SLC35F1: variants seen among roughly 807,000 people sequenced by gnomAD.
The protein encoded by SLC35F1 is chromosome 6 open reading frame 169.
In SLC35F1, 14 loss-of-function variants were observed where a neutral mutation model predicts 48.7. The observed-to-expected ratio is 0.29, with a 90% CI of 0.19 to 0.45. The LOEUF is 0.45. SLC35F1 is among the 20% of genes least tolerant of loss of function. The pLI, the probability that SLC35F1 is intolerant of heterozygous loss-of-function variation, is 1.00. For missense variants in SLC35F1, 404 were observed against 500.0 expected, an observed-to-expected ratio of 0.81 and a Z score of 1.83; for synonymous variants, 190 against 202.2, an observed-to-expected ratio of 0.94 and a Z score of 0.51.
At chr6:118,000,071 A>C (rs111232961) in intron 1 of SLC35F1, among the ~76,000 whole-genome samples, 4 of 152,108 alleles carry the variant, frequency 2.6e-5, no homozygotes, top group Admixed American at 6.6e-5. Flanking sequence ...TCAATAGAAA[A>C]AGAGGGAATC....
intron 1 of SLC35F1, among the ~76,000 whole-genome samples, chr6:117,968,722 A>G (rs903937471): frequency 6.6e-6 from 1 of 152,198 alleles, no homozygotes; most frequent in African/African-American, 2.4e-5. Context: ...CATCAGAAAC[A>G]TCTATGGTAT....
At chr6:117,933,853 G>A (rs750000791) in intron 1 of SLC35F1, among the ~76,000 whole-genome samples, 70 of 152,098 alleles carry the variant, frequency 4.6e-4, no homozygotes, top group South Asian at 2.1e-4. Context: ...AGGACCCTGC[G>A]TGAGAACGTA....
intron 1 of SLC35F1, among the ~76,000 whole-genome samples, chr6:118,143,321 G>A (rs578018286): frequency 1.3e-5 from 2 of 152,156 alleles, no homozygotes; most frequent in South Asian, 2.1e-4. Flanking sequence ...AAGGAAAAAT[G>A]CCAAAGTCAT....
At chr6:117,953,920 A>G (rs75012329) in intron 1 of SLC35F1, among the ~76,000 whole-genome samples, 308 of 152,250 alleles carry the variant, frequency 2.0e-3, no homozygotes, top group Admixed American at 3.8e-3. Flanking sequence ...TCCTGAAACA[A>G]CAAGTTACCA....
chr6:118,145,847 TTTAA>T (rs1340825336), intron 1 of SLC35F1, among the ~76,000 whole-genome samples: 5 of 152,222 alleles, frequency 3.3e-5, no homozygotes, highest in African/African-American at 1.2e-4. Flanking sequence ...ATAATAATTG[TTTAA>T]TTAGCCTCAA....
At chr6:117,937,848 T>C (rs892414481) in intron 1 of SLC35F1, among the ~76,000 whole-genome samples, 2 of 152,120 alleles carry the variant, frequency 1.3e-5, no homozygotes, top group Non-Finnish European at 2.9e-5. Context: ...AAACATCACA[T>C]CCATGTTACA....
At chr6:118,131,286 G>T (rs763564268) in intron 1 of SLC35F1, among the ~76,000 whole-genome samples, 1 of 152,138 alleles carries the variant, frequency 6.6e-6, no homozygotes, top group Non-Finnish European at 1.5e-5. Context: ...CTATTATGCA[G>T]TTGTAGTCAA....
chr6:118,085,213 GA>G (rs1772969483), intron 1 of SLC35F1, among the ~76,000 whole-genome samples: 1 of 152,130 alleles, frequency 6.6e-6, no homozygotes, highest in Non-Finnish European at 1.5e-5. Context: ...TTCCCCCTTG[GA>G]GGAGGCTTCC....
chr6:118,055,389 C>G (rs1313371253), intron 1 of SLC35F1, among the ~76,000 whole-genome samples: 1 of 152,090 alleles, frequency 6.6e-6, no homozygotes, highest in African/African-American at 2.4e-5. Context: ...TTTAAGGAAC[C>G]TGGCTCTGGT....
chr6:118,085,086 G>A (rs1259558540), intron 1 of SLC35F1, among the ~76,000 whole-genome samples: 2 of 133,618 alleles, frequency 1.5e-5, no homozygotes, highest in African/African-American at 5.2e-5. Context: ...GTTAGAACGG[G>A]ATAGTATGTT....
chr6:117,954,551 G>A (rs1324769550), intron 1 of SLC35F1, among the ~76,000 whole-genome samples: 3 of 152,172 alleles, frequency 2.0e-5, no homozygotes, highest in South Asian at 2.1e-4. Flanking sequence ...GAGCCACTGC[G>A]CTTGGCTGTT....
At chr6:118,099,935 G>A (rs993903725) in intron 1 of SLC35F1, among the ~76,000 whole-genome samples, 4 of 152,054 alleles carry the variant, frequency 2.6e-5, no homozygotes, top group African/African-American at 9.7e-5. Context: ...GGTATTCCTG[G>A]TTTCTTGGTT....
intron 1 of SLC35F1, among the ~76,000 whole-genome samples, chr6:117,946,332 A>C (rs1776294496): frequency 1.3e-5 from 2 of 152,222 alleles, no homozygotes; most frequent in Admixed American, 6.6e-5. Context: ...GCAAATTGCC[A>C]ATCAAATATA....
chr6:117,927,084 C>T (rs4946303), intron 1 of SLC35F1, among the ~76,000 whole-genome samples: 33,122 of 152,118 alleles, frequency 0.22, 4,008 homozygotes, highest in African/African-American at 0.32. Context: ...TTAGTTCCAT[C>T]ATCTGTGAAA....
At chr6:117,909,721 T>G (rs1775739651) in intron 1 of SLC35F1, among the ~76,000 whole-genome samples, 1 of 152,232 alleles carries the variant, frequency 6.6e-6, no homozygotes, top group Non-Finnish European at 1.5e-5. Flanking sequence ...ATTAATGTAT[T>G]CAACTCATTT....
chr6:118,133,698 C>T (rs926778870), intron 1 of SLC35F1, among the ~76,000 whole-genome samples: 1 of 152,034 alleles, frequency 6.6e-6, no homozygotes, highest in East Asian at 1.9e-4. Context: ...TCCAGAACAC[C>T]ATCTTCTTGT....
intron 1 of SLC35F1, among the ~76,000 whole-genome samples, chr6:118,100,030 C>T (rs1312981414): frequency 6.6e-6 from 1 of 152,076 alleles, no homozygotes; most frequent in Non-Finnish European, 1.5e-5. Flanking sequence ...ATATATAATG[C>T]ATTTATCCTC....
At chr6:118,189,425 A>C (rs1455502079) in intron 2 of SLC35F1, among the ~76,000 whole-genome samples, 1 of 152,178 alleles carries the variant, frequency 6.6e-6, no homozygotes, top group Non-Finnish European at 1.5e-5. Flanking sequence ...AGAAATGTCT[A>C]TTCAGGTACT....
At chr6:118,056,068 G>A (rs1049860700) in intron 1 of SLC35F1, among the ~76,000 whole-genome samples, 4 of 152,122 alleles carry the variant, frequency 2.6e-5, no homozygotes, top group African/African-American at 9.7e-5. Flanking sequence ...TTTAAAACTG[G>A]AAATAGTCAA....
Sources: gnomAD v4.1 joint callset for allele counts (sites outside exome capture counted in the v4.1 genomes callset) on GRCh38, gnomAD v4.1.1 for gene constraint, MANE v1.5 for transcripts, NCBI Gene and HGNC (gene_info 2026-07-23, HGNC 2026-07-21) for gene names.